GOLGA3: variants seen among roughly 807,000 people sequenced by gnomAD.
The protein encoded by GOLGA3 is golgin A3.
A neutral mutation model predicts 169.4 loss-of-function variants in GOLGA3; 75 were observed. The ratio of observed to expected loss-of-function variants is 0.44; its 90% CI spans 0.37 to 0.54. The LOEUF (loss-of-function observed/expected upper bound fraction) is 0.54. Among genes scored for constraint, GOLGA3 ranks in the 20% least tolerant of loss-of-function variants. The pLI is 0.00. For synonymous variants in GOLGA3, 824 were observed against 822.4 expected, an observed-to-expected ratio of 1.00 and a Z score of -0.03; for missense variants, 1,899 against 1,930.0, an observed-to-expected ratio of 0.98 and a Z score of 0.30.
In GOLGA3 at chr12:132,804,405, G is replaced by C. The variant is rs999592399; in HGVS notation, c.1597+311C>G. Among the ~76,000 whole-genome samples the C allele has an allele frequency of 6.6e-6, 1 of 152,200 alleles. No individual in the cohort carries two copies. Among genetic ancestry groups the C allele is most frequent in the Admixed American group, 6.5e-5 (1 of 15,290 alleles). On this transcript the variant is annotated intron_variant, in intron 7 of 23. Coordinates refer to ENST00000450791, the MANE Select transcript of GOLGA3 (RefSeq NM_001389683.1). This position sits in a 1 kb window ranked among gnomAD's most constrained non-coding sequence, Gnocchi z 4.1. ...AATTCCACAAGTTCAACTAAAACTT[G>C]TATTTCCTTTAGAAAAGCAGCCTCC...
rs915374962 is a variant in GOLGA3, at chr12:132,770,544, A to G, written c.*2561T>C. The G allele has an allele frequency of 5.3e-5, 8 of 150,994 alleles. No individual in the cohort carries two copies. Among genetic ancestry groups the G allele is most frequent in the African/African-American group, 2.0e-4 (8 of 40,904 alleles). The allele number at this position is 150,994 out of a possible 1,614,324, so 9.4% of individuals were successfully genotyped here. Reference sequence around the variant, plus strand: ...TCTGTCCTAAGAGAAAAAAAAATACATGGTGAACATCACTCACTTGAGGAC... The same window carrying G: ...TCTGTCCTAAGAGAAAAAAAAATACGTGGTGAACATCACTCACTTGAGGAC... On this transcript the variant is annotated 3_prime_UTR_variant, in exon 24 of 24. Coordinates refer to ENST00000450791, the MANE Select transcript of GOLGA3 (RefSeq NM_001389683.1).
At position 132,786,058 on chromosome 12, in the gene GOLGA3, C is replaced by T. The variant is rs115169495; in HGVS notation, c.3123+281G>A. ...ACCAGGGCAGGCCCTCCCTCTGCCC[C>T]AAGGGAGCAGCTGAACTTCTCTGAG... On this transcript the variant is annotated intron_variant, in intron 15 of 23. Coordinates refer to ENST00000450791, the MANE Select transcript of GOLGA3 (RefSeq NM_001389683.1). Among the ~76,000 whole-genome samples, 972 of 152,310 alleles carry T rather than the reference C, an allele frequency of 6.4e-3. 19 individuals are homozygous for T. The highest frequency in any genetic ancestry group is 0.022 in the African/African-American group (920 of 41,578).
At chr12:132,823,451 C>A (rs566207323) in intron 1 of GOLGA3, among the ~76,000 whole-genome samples, 1 of 152,222 alleles carries the variant, frequency 6.6e-6, no homozygotes. Context: ...ACACAACCTT[C>A]GCCTCTAGCT....
intron 9 of GOLGA3, among the ~76,000 whole-genome samples, chr12:132,797,437 G>A (rs1392631962): frequency 1.3e-5 from 2 of 152,186 alleles, no homozygotes; most frequent in Admixed American, 6.5e-5. Flanking sequence ...ATTTTATAAA[G>A]ATGAGGCTCA....
In GOLGA3 at chr12:132,777,549, C is replaced by G; in HGVS notation, c.3722+117G>C. 2.6e-6 allele frequency: 3 copies of G among 1,139,056 alleles called. No homozygotes were observed. In the African/African-American group the frequency reaches 4.6e-5, roughly 17 times the overall value. The allele number at this position is 1,139,056 out of a possible 1,614,324, so 70.6% of individuals were successfully genotyped here. A position where few individuals can be genotyped will look rare whatever the true frequency, so the allele number is the denominator to read the frequency against. On this transcript the variant is annotated intron_variant, in intron 19 of 23. Transcript: ENST00000450791. The surrounding 1 kb of genome is among the most constrained non-coding windows in gnomAD (Gnocchi z 4.7). Reference sequence around the variant, plus strand: ...GTGCCTTCTACTCCTATGATTCACTCAAGTACTCGGCAATTTGCAAAATAT... The same window carrying G: ...GTGCCTTCTACTCCTATGATTCACTGAAGTACTCGGCAATTTGCAAAATAT...
chr12:132,806,638 G>A (rs1949420388), intron 6 of GOLGA3, among the ~76,000 whole-genome samples: 1 of 152,230 alleles, frequency 6.6e-6, no homozygotes. Flanking sequence ...GCCAGAAGCG[G>A]ACAGCTGAAC....
chr12:132,819,171 C>CA (rs1249141076), intron 2 of GOLGA3, among the ~76,000 whole-genome samples: 2 of 152,052 alleles, frequency 1.3e-5, no homozygotes, highest in Non-Finnish European at 2.9e-5. Context: ...TCACAGGGGT[C>CA]AGCATTCCTC....
chr12:132,783,984 T>C (rs2045756757), intron 16 of GOLGA3, 180 bp downstream of exon 16: 5 of 1,487,960 alleles, frequency 3.4e-6, no homozygotes, highest in Non-Finnish European at 3.6e-6. Context: ...CCCAGAGGGC[T>C]GGAATCAGGG....
chr12:132,771,987 C>T lies in GOLGA3; in HGVS notation c.*1118G>A, dbSNP rs11147071. ...GCTGCCCCTTCCCAGTGGCCAGCCA[C>T]GGTGGAATCACACAGGGCCAGTGGC... is the stretch of plus-strand genomic sequence containing the variant. On this transcript the variant is annotated 3_prime_UTR_variant, in exon 24 of 24. Coordinates refer to ENST00000450791, the MANE Select transcript of GOLGA3 (RefSeq NM_001389683.1). 0.15 allele frequency: 22,313 copies of T among 152,246 alleles called. 1,909 individuals carry two copies. The highest frequency in any genetic ancestry group is 0.21 in the Middle Eastern group (61 of 294). 9.4% of individuals were successfully genotyped at this position (152,246 alleles called of 1,614,324 possible). A position where few individuals can be genotyped will look rare whatever the true frequency, so the allele number is the denominator to read the frequency against.
Position 132,814,153 on chromosome 12 carries a change from T to C in GOLGA3, c.407-734A>G, listed in dbSNP as rs553250096. On this transcript the variant is annotated intron_variant, in intron 3 of 23. Transcript: ENST00000450791. ...GATTCTCCTGCCACAGCCTCCTGAG[T>C]AGGTGGGATTACAGGCATGCAACAC... Among the ~76,000 whole-genome samples the C allele has an allele frequency of 1.1e-4, 16 of 151,196 alleles. No individual in the cohort carries two copies. The East Asian group carries it at 2.2e-3, about 20-fold the overall frequency.
At chr12:132,816,488 G>T in intron 3 of GOLGA3, 52 bp downstream of exon 3, 2 of 1,574,494 alleles carry the variant, frequency 1.3e-6, no homozygotes, top group Admixed American at 3.4e-5. Flanking sequence ...CTCCCAAGGG[G>T]CTGAGCGACG....
chr12:132,819,834 A>G (rs1187555753), intron 2 of GOLGA3, among the ~76,000 whole-genome samples: 3 of 151,984 alleles, frequency 2.0e-5, no homozygotes, highest in Non-Finnish European at 4.4e-5. Context: ...AAGGCCAGGA[A>G]TTCAAGACCA....
At position 132,808,321 on chromosome 12, in the gene GOLGA3, T is replaced by C. The variant is rs763304813; in HGVS notation, c.748A>G (p.Arg250Gly). 4 of 1,614,148 alleles carry C rather than the reference T, an allele frequency of 2.5e-6. No homozygotes were observed. Among genetic ancestry groups the C allele is most frequent in the South Asian group, 1.1e-5 (1 of 91,082 alleles). ...TTCCCCGCATTTGAATCTTCAGTTC[T>C]GTAATCGGCCAGAGACCGGATTTTG... Reference protein sequence around the residue: ...SSKIRSLADYRTEDSNAGNSG... With the variant: ...SSKIRSLADYGTEDSNAGNSG... Residue 250 changes from arginine to glycine, a missense_variant, in exon 5 of 24, where the codon AGA becomes GGA. By Grantham distance (125) the Arg-to-Gly change is moderately radical (BLOSUM62 -2). Transcript: ENST00000450791.
intron 15 of GOLGA3, among the ~76,000 whole-genome samples, chr12:132,785,289 C>T (rs1159642620): frequency 6.6e-6 from 1 of 152,182 alleles, no homozygotes; most frequent in African/African-American, 2.4e-5. Context: ...ACAAAGCAAC[C>T]AGGTGAGAGG....
intron 15 of GOLGA3, 142 bp from the exon 16 acceptor site, chr12:132,784,449 T>G: frequency 1.4e-6 from 1 of 707,776 alleles, no homozygotes; most frequent in Non-Finnish European, 2.3e-6. Flanking sequence ...ACCTTCCTTT[T>G]TGTTAAAGAA....
At chr12:132,793,956 T>C (rs544488806) in intron 11 of GOLGA3, among the ~76,000 whole-genome samples, 16 of 152,202 alleles carry the variant, frequency 1.1e-4, no homozygotes, top group Non-Finnish European at 2.2e-4. Flanking sequence ...CAAATCCTAG[T>C]TATCACTAGA....
chr12:132,789,012 C>A lies in GOLGA3; in HGVS notation c.2811+15G>T, dbSNP rs753312191. On this transcript the variant is annotated intron_variant, in intron 13 of 23. Transcript: ENST00000450791. Reference sequence around the variant, plus strand: ...AATCCTCCCCATCAAATGAGTCAACCCGACACGGACAGACCTGCAAGTGTG... The same window carrying A: ...AATCCTCCCCATCAAATGAGTCAACACGACACGGACAGACCTGCAAGTGTG... The A allele has an allele frequency of 1.5e-5, 23 of 1,538,694 alleles. No homozygotes were observed. The highest frequency in any genetic ancestry group is 1.8e-5 in the Non-Finnish European group (21 of 1,139,576).
At chr12:132,780,354 G>A (rs980398268) in intron 18 of GOLGA3, among the ~76,000 whole-genome samples, 5 of 152,182 alleles carry the variant, frequency 3.3e-5, no homozygotes, top group Non-Finnish European at 7.4e-5. Flanking sequence ...GGTCAGGATG[G>A]GCCTCTGCTG....
chr12:132,783,573 G>T (rs2136323412), intron 16 of GOLGA3, among the ~76,000 whole-genome samples: 1 of 56,626 alleles, frequency 1.8e-5, no homozygotes, highest in Non-Finnish European at 4.2e-5. Flanking sequence ...CTGAACCTGA[G>T]ATATCTGACG....
Sources: gnomAD v4.1 joint callset for allele counts (sites outside exome capture counted in the v4.1 genomes callset) on GRCh38, gnomAD v4.1.1 for gene constraint, Gnocchi (gnomAD v3.1) non-coding constraint, MANE v1.5 for transcripts, NCBI Gene and HGNC (gene_info 2026-07-23, HGNC 2026-07-21) for gene names.